CRISPLD2: variants seen among roughly 807,000 people sequenced by gnomAD.
CRISPLD2 encodes the protein cysteine-rich secretory protein LCCL domain-containing 2.
A neutral mutation model predicts 71.1 loss-of-function variants in CRISPLD2; 47 were observed. The observed-to-expected ratio is 0.66, with a 90% CI of 0.52 to 0.84. CRISPLD2 has a LOEUF of 0.84. Among genes scored for constraint, CRISPLD2 ranks in the 40% least tolerant of loss-of-function variants. The pLI is 0.00. For synonymous variants in CRISPLD2, 317 were observed against 250.1 expected, an observed-to-expected ratio of 1.27 and a Z score of -2.52; for missense variants, 830 against 651.1, an observed-to-expected ratio of 1.27 and a Z score of -2.99.
chr16:84,869,777 C>T (rs758119339), intron 8 of CRISPLD2, among the ~76,000 whole-genome samples: 1 of 152,278 alleles, frequency 6.6e-6, no homozygotes, highest in African/African-American at 2.4e-5. Context: ...GTCTGGGCTG[C>T]TGAGAAGCCG....
intron 1 of CRISPLD2, among the ~76,000 whole-genome samples, chr16:84,828,076 C>T (rs1046229644): frequency 2.0e-5 from 3 of 152,150 alleles, no homozygotes; most frequent in African/African-American, 4.8e-5. Context: ...CTTGCAGATC[C>T]CAAGGACTCC....
chr16:84,845,889 G>T lies in CRISPLD2; in HGVS notation c.344G>T (p.Gly115Val), dbSNP rs1303006206. ...SLLVSIGQNL[G>V]AHWGRYRSPG... ...CTGGTGTCCATCGGGCAGAACCTGG[G>T]CGCTCACTGGGGCAGGTAAGAGCCA... Residue 115 changes from glycine to valine, a missense_variant, in exon 3 of 15, where the codon GGC becomes GTC. Gly to Val is a moderately radical substitution (Grantham distance 109). Transcript: ENST00000262424. 6.2e-7 allele frequency: 1 copy of T among 1,612,180 alleles called. No individual in the cohort carries two copies.
intron 14 of CRISPLD2, among the ~76,000 whole-genome samples, chr16:84,894,529 G>C (rs907960127): frequency 6.6e-6 from 1 of 152,138 alleles, no homozygotes; most frequent in Non-Finnish European, 1.5e-5. Flanking sequence ...GAACAGAAGA[G>C]AGAAAAATCC....
chr16:84,827,567 T>TTTTTTTC (rs1158733348), intron 1 of CRISPLD2, among the ~76,000 whole-genome samples: 10 of 149,268 alleles, frequency 6.7e-5, no homozygotes, highest in African/African-American at 2.2e-4. Flanking sequence ...TCTTTTTTTT[T>TTTTTTTC]TTTTTTTTCT....
intron 6 of CRISPLD2, among the ~76,000 whole-genome samples, chr16:84,864,086 G>C (rs759327139): frequency 3.3e-5 from 5 of 152,122 alleles, no homozygotes; most frequent in Non-Finnish European, 5.9e-5. Context: ...TCCGGGCATG[G>C]TCACCAGCTT....
intron 6 of CRISPLD2, among the ~76,000 whole-genome samples, chr16:84,862,192 C>G (rs184871297): frequency 1.3e-5 from 2 of 151,940 alleles, no homozygotes; most frequent in African/African-American, 4.8e-5. Context: ...TGGGGCGGTG[C>G]GATTTTCTAC....
intron 6 of CRISPLD2, among the ~76,000 whole-genome samples, chr16:84,859,557 C>T (rs1468407765): frequency 1.3e-5 from 2 of 152,198 alleles, no homozygotes; most frequent in Non-Finnish European, 2.9e-5. Context: ...TCAAGGGATT[C>T]TGGGTCTGTA....
intron 6 of CRISPLD2, among the ~76,000 whole-genome samples, chr16:84,855,875 T>C (rs1442937834): frequency 6.6e-6 from 1 of 152,226 alleles, no homozygotes; most frequent in African/African-American, 2.4e-5. Flanking sequence ...ACTTAAATGC[T>C]GATATGAAGT....
At position 84,906,971 on chromosome 16, in the gene CRISPLD2, T is replaced by G. The variant is rs2071808502; in HGVS notation, c.*329T>G. 1 of 343,656 alleles carries G rather than the reference T, an allele frequency of 2.9e-6. No individual in the cohort carries two copies. The highest frequency in any genetic ancestry group is 5.4e-6 in the Non-Finnish European group (1 of 185,508). 21.3% of individuals were successfully genotyped at this position (343,656 alleles called of 1,614,324 possible). A position where few individuals can be genotyped will look rare whatever the true frequency, so the allele number is the denominator to read the frequency against. On this transcript the variant is annotated 3_prime_UTR_variant, in exon 15 of 15. Transcript: ENST00000262424. ...ATGTTCCTTGCTATGTGTTCTTCTG[T>G]TGGTGGAGGAAGTTGATTTCAACCT...
At position 84,901,170 on chromosome 16, in the gene CRISPLD2, C is replaced by T. The variant is rs147067959; in HGVS notation, c.1440-5418C>T. ...AATGAGTTCTTTCTGTATAGTAAAG[C>T]AACAAATCCCGAGATATATTGTTAA... is the stretch of plus-strand genomic sequence containing the variant. On this transcript the variant is annotated intron_variant, in intron 14 of 14. Coordinates refer to ENST00000262424, the MANE Select transcript of CRISPLD2 (RefSeq NM_031476.4). 3.7e-3 allele frequency among the ~76,000 whole-genome samples: 557 copies of T among 152,054 alleles called. 4 individuals carry two copies. Among genetic ancestry groups the T allele is most frequent in the African/African-American group, 0.013 (537 of 41,476 alleles).
At position 84,866,916 on chromosome 16, in the gene CRISPLD2, A is replaced by T. The variant is rs761555258; in HGVS notation, c.729A>T (p.Lys243Asn). The T allele has an allele frequency of 6.2e-7, 1 of 1,613,994 alleles. No homozygotes were observed. Among genetic ancestry groups the T allele is most frequent in the South Asian group, 1.1e-5 (1 of 91,070 alleles). Residue 243 changes from lysine (K) to asparagine (N), a missense_variant, in exon 7 of 15, where the codon AAA (lysine) becomes AAT (asparagine). Lys to Asn is a moderately conservative substitution (Grantham distance 94). Transcript: ENST00000262424. Reference sequence around the variant, plus strand: ...GTTAAGAAGAAACCTACACTCCAAAACCTGAAACGGACGAGATGAATGAGG... The same window carrying T: ...GTTAAGAAGAAACCTACACTCCAAATCCTGAAACGGACGAGATGAATGAGG... ...LCYREETYTP[K>N]PETDEMNEVE...
rs376028067 is a variant in CRISPLD2, at chr16:84,877,463, C to T, written c.1182C>T (p.Thr394=). The T allele has an allele frequency of 2.4e-5, 38 of 1,613,776 alleles. No individual in the cohort carries two copies. The highest frequency in any genetic ancestry group is 1.8e-4 in the Admixed American group (11 of 59,990). Residue 394 remains threonine, a synonymous_variant, in exon 12 of 15, where the codon ACC becomes ACT. Transcript: ENST00000262424. ...TGCAGGATTTGGACTGCTACACGAC[C>T]GTTGCTCAGCTGTGCCCGTTTGAAA... ...VKVQDLDCYT[T]VAQLCPFEKP...
At chr16:84,855,617 C>G (rs143436982) in intron 6 of CRISPLD2, among the ~76,000 whole-genome samples, 2 of 152,208 alleles carry the variant, frequency 1.3e-5, no homozygotes, top group Non-Finnish European at 2.9e-5. Context: ...CCTTTGGCAA[C>G]ACCCTCACAG....
At chr16:84,829,408 C>T (rs892045761) in intron 1 of CRISPLD2, among the ~76,000 whole-genome samples, 6 of 152,290 alleles carry the variant, frequency 3.9e-5, no homozygotes, top group Non-Finnish European at 7.4e-5. Context: ...GAGACACAAA[C>T]GGGGGGAGTG....
chr16:84,892,804 C>T (rs886683906), intron 14 of CRISPLD2, among the ~76,000 whole-genome samples: 2 of 151,664 alleles, frequency 1.3e-5, no homozygotes, highest in African/African-American at 4.8e-5. Context: ...GGTGAAGCCC[C>T]GTCTCTACTA....
In CRISPLD2 at chr16:84,827,669, C is replaced by T. The variant is rs550640208; in HGVS notation, c.-75+7536C>T. Reference sequence around the variant, plus strand: ...GCAACCTTCACCTCCCGGATTCAAGCGATTCTCTTGCCTCAGCCTCCCAAG... The same window carrying T: ...GCAACCTTCACCTCCCGGATTCAAGTGATTCTCTTGCCTCAGCCTCCCAAG... On this transcript the variant is annotated intron_variant, in intron 1 of 14. Coordinates refer to ENST00000262424, the MANE Select transcript of CRISPLD2 (RefSeq NM_031476.4). 4.0e-5 allele frequency among the ~76,000 whole-genome samples: 6 copies of T among 151,644 alleles called. No individual in the cohort carries two copies. In the South Asian group the frequency reaches 1.0e-3, roughly 26 times the overall value.
chr16:84,849,895 T>A (rs1246115075), intron 4 of CRISPLD2, among the ~76,000 whole-genome samples: 4 of 145,298 alleles, frequency 2.8e-5, no homozygotes, highest in African/African-American at 9.9e-5. Context: ...TTTTTGTATT[T>A]TTTTTTTTTT....
chr16:84,862,699 T>C (rs1597464268), intron 6 of CRISPLD2, among the ~76,000 whole-genome samples: 1 of 122,374 alleles, frequency 8.2e-6, no homozygotes, highest in East Asian at 2.3e-4. Flanking sequence ...TTTTTTAACG[T>C]GGCTCCACTG....
intron 1 of CRISPLD2, 146 bp from the exon 2 acceptor site, chr16:84,838,276 G>T (rs577393121): frequency 6.8e-6 from 4 of 587,938 alleles, no homozygotes; most frequent in Non-Finnish European, 1.2e-5. Flanking sequence ...CTGTCTGTGG[G>T]ACCTTGCTTG....
Sources: gnomAD v4.1 joint callset for allele counts (sites outside exome capture counted in the v4.1 genomes callset) on GRCh38, gnomAD v4.1.1 for gene constraint, MANE v1.5 for transcripts, NCBI Gene and HGNC (gene_info 2026-07-23, HGNC 2026-07-21) for gene names.